Variants in NRXN1 observed in about 807,000 individuals in gnomAD.
The protein encoded by NRXN1 is neurexin-1.
NRXN1 carries 39 observed loss-of-function variants against 150.9 expected under a neutral mutation model. The ratio of observed to expected loss-of-function variants is 0.26; its 90% CI spans 0.20 to 0.34. The LOEUF (loss-of-function observed/expected upper bound fraction) is 0.34. Ranked by LOEUF, NRXN1 falls within the 10% of genes least tolerant of loss-of-function variation. The pLI is 1.00. For synonymous variants in NRXN1, 924 were observed against 757.0 expected, an observed-to-expected ratio of 1.22 and a Z score of -3.62; for missense variants, 1,815 against 1,949.9, an observed-to-expected ratio of 0.93 and a Z score of 1.30.
At position 50,925,798 on chromosome 2, in the gene NRXN1, T is replaced by C; in HGVS notation, c.790+140A>G. The C allele has an allele frequency of 1.9e-5, 13 of 686,888 alleles. No homozygotes were observed. The South Asian group carries it at 2.3e-4, about 12-fold the overall frequency. 42.5% of individuals were successfully genotyped at this position (686,888 alleles called of 1,614,324 possible). A position where few individuals can be genotyped will look rare whatever the true frequency, so the allele number is the denominator to read the frequency against. On this transcript the variant is annotated intron_variant, in intron 3 of 22. Coordinates refer to ENST00000401669, the MANE Select transcript of NRXN1 (RefSeq NM_001330078.2). ...GGGTTGAGAATGTATGTGTTCTGTA[T>C]GAAAAGTGATACACAATCCAGAAAC...
intron 21 of NRXN1, among the ~76,000 whole-genome samples, chr2:49,947,514 C>CTTTTTT (rs199991365): frequency 5.5e-5 from 6 of 109,000 alleles, no homozygotes; most frequent in Admixed American, 1.0e-4. Context: ...TTTTTTTTTT[C>CTTTTTT]TTTTTTTTTT....
In NRXN1 at chr2:50,692,769, C is replaced by A. The variant is rs577176943; in HGVS notation, c.833-69154G>T. Reference sequence around the variant, plus strand: ...TACTGCACTTAAACAAGTATTCACACCCCCTCTGATCTGTTCTTGTCAGCT... The same window carrying A: ...TACTGCACTTAAACAAGTATTCACAACCCCTCTGATCTGTTCTTGTCAGCT... On this transcript the variant is annotated intron_variant, in intron 5 of 22. Transcript: ENST00000401669. Among the ~76,000 whole-genome samples, 9 of 152,108 alleles carry A rather than the reference C, an allele frequency of 5.9e-5. No homozygotes were observed. In the East Asian group the frequency reaches 1.5e-3, roughly 26 times the overall value.
At chr2:49,991,992 T>C (rs1192241232) in intron 21 of NRXN1, among the ~76,000 whole-genome samples, 5 of 152,218 alleles carry the variant, frequency 3.3e-5, no homozygotes, top group East Asian at 1.9e-4. Context: ...AAAGCAAAGA[T>C]AGTCTTTTCA....
intron 5 of NRXN1, among the ~76,000 whole-genome samples, chr2:50,770,891 A>C (rs1049160799): frequency 1.4e-4 from 22 of 152,084 alleles, no homozygotes; most frequent in African/African-American, 4.3e-4. Flanking sequence ...CAGATATTCA[A>C]TACATATCCA....
chr2:50,884,487 T>C (rs1456906772), intron 5 of NRXN1, among the ~76,000 whole-genome samples: 2 of 151,806 alleles, frequency 1.3e-5, no homozygotes, highest in Non-Finnish European at 2.9e-5. Flanking sequence ...AAAAATAAAT[T>C]ATTTAGTTTT....
At chr2:50,674,012 G>A (rs1271193638) in intron 5 of NRXN1, among the ~76,000 whole-genome samples, 1 of 151,974 alleles carries the variant, frequency 6.6e-6, no homozygotes, top group Non-Finnish European at 1.5e-5. Flanking sequence ...ACTGGTTGAT[G>A]GGTGCAGCAA....
At chr2:51,021,665 C>T (rs1669638395) in intron 2 of NRXN1, among the ~76,000 whole-genome samples, 1 of 151,906 alleles carries the variant, frequency 6.6e-6, no homozygotes, top group Admixed American at 6.6e-5. Flanking sequence ...TTATCTGCAG[C>T]ATATGTGTAA....
At chr2:50,110,908 A>C (rs1260881456) in intron 18 of NRXN1, among the ~76,000 whole-genome samples, 1 of 152,190 alleles carries the variant, frequency 6.6e-6, no homozygotes, top group African/African-American at 2.4e-5. Context: ...TTTTAGAAAA[A>C]AATCAAATAA....
intron 5 of NRXN1, among the ~76,000 whole-genome samples, chr2:50,846,435 C>A (rs1326151882): frequency 6.6e-6 from 1 of 150,544 alleles, no homozygotes; most frequent in Admixed American, 6.6e-5. Flanking sequence ...TTTTTTTTTT[C>A]TTGCTTTTAA....
At chr2:51,001,243 G>A (rs908614824) in intron 2 of NRXN1, among the ~76,000 whole-genome samples, 1 of 133,310 alleles carries the variant, frequency 7.5e-6, no homozygotes, top group East Asian at 2.7e-4. Context: ...TTGGGGGGGG[G>A]GGGCGTTTGT....
At chr2:50,875,317 A>C (rs1179786190) in intron 5 of NRXN1, among the ~76,000 whole-genome samples, 1 of 151,812 alleles carries the variant, frequency 6.6e-6, no homozygotes, top group Non-Finnish European at 1.5e-5. Context: ...ATATAAATAA[A>C]AACAAATAAA....
chr2:50,829,328 C>T lies in NRXN1; in HGVS notation c.832+92541G>A, dbSNP rs551479921. 200 of 676,930 alleles carry T rather than the reference C, an allele frequency of 3.0e-4. 1 individual carries two copies. Among genetic ancestry groups the T allele is most frequent in the Non-Finnish European group, 4.5e-4 (178 of 391,558 alleles). 41.9% of individuals were successfully genotyped at this position (676,930 alleles called of 1,614,324 possible). On this transcript the variant is annotated intron_variant, in intron 5 of 22. Coordinates refer to ENST00000401669, the MANE Select transcript of NRXN1 (RefSeq NM_001330078.2). ...TATTTTTAGTAGAGATGGGGTTTCT[C>T]CATGTTGATCAGGACAGTCAAACTC...
At chr2:50,155,656 A>G (rs1335603882) in intron 18 of NRXN1, among the ~76,000 whole-genome samples, 2 of 151,766 alleles carry the variant, frequency 1.3e-5, no homozygotes, top group East Asian at 1.9e-4. Flanking sequence ...ATTTATTTTA[A>G]TAAATACATG....
intron 17 of NRXN1, among the ~76,000 whole-genome samples, chr2:50,363,880 C>T (rs1044412757): frequency 2.0e-5 from 3 of 152,086 alleles, no homozygotes; most frequent in Non-Finnish European, 4.4e-5. Context: ...AGAAAATGTG[C>T]ACATATACAC....
chr2:50,044,394 T>C (rs548891558), intron 21 of NRXN1, among the ~76,000 whole-genome samples: 54 of 152,266 alleles, frequency 3.5e-4, no homozygotes, highest in African/African-American at 1.3e-3. Flanking sequence ...TTGATGGTAA[T>C]GTCTATTTTA....
intron 5 of NRXN1, among the ~76,000 whole-genome samples, chr2:50,808,882 G>T (rs977511863): frequency 3.3e-5 from 5 of 152,086 alleles, no homozygotes; most frequent in Non-Finnish European, 7.4e-5. Context: ...AATTAGGCAA[G>T]AAATTACAAT....
At chr2:51,026,331 A>T in intron 2 of NRXN1, 1 of 1,295,486 alleles carries the variant, frequency 7.7e-7, no homozygotes. Context: ...GACATCTCCT[A>T]CTTAGCCACT....
At chr2:50,156,844 G>A (rs2059051129) in intron 18 of NRXN1, among the ~76,000 whole-genome samples, 1 of 151,930 alleles carries the variant, frequency 6.6e-6, no homozygotes, top group African/African-American at 2.4e-5. Flanking sequence ...CCTGCAACAT[G>A]TAAAGCATAT....
chr2:50,107,517 C>CTA (rs1333614060), intron 18 of NRXN1, among the ~76,000 whole-genome samples: 3 of 123,820 alleles, frequency 2.4e-5, no homozygotes, highest in African/African-American at 9.6e-5. Context: ...ACATTCCAGA[C>CTA]TACATATATA....
Sources: allele counts gnomAD v4.1 joint callset (sites outside exome capture counted in the v4.1 genomes callset), GRCh38; gene constraint gnomAD v4.1.1; transcripts MANE v1.5; gene names NCBI Gene and HGNC (gene_info 2026-07-23, HGNC 2026-07-21).